CDC42EP3: variants seen among roughly 807,000 people sequenced by gnomAD.
CDC42EP3 encodes CDC42 effector protein 3.
A neutral mutation model predicts 15.5 loss-of-function variants in CDC42EP3; 4 were observed. The observed-to-expected ratio is 0.26, with a 90% confidence interval of 0.13 to 0.59. CDC42EP3 has a LOEUF of 0.59. CDC42EP3 is among the 20% of genes least tolerant of loss of function. The pLI, the probability that CDC42EP3 is intolerant of heterozygous loss-of-function variation, is 0.89. For synonymous variants in CDC42EP3, 145 were observed against 130.3 expected (o/e 1.11, Z -0.77); for missense variants, 309 against 311.2 (o/e 0.99, Z 0.05).
chr2:37,663,001 C>T (rs1666118533), intron 1 of CDC42EP3, among the ~76,000 whole-genome samples: 1 of 152,170 alleles, frequency 6.6e-6, no homozygotes, highest in Admixed American at 6.5e-5. Flanking sequence ...CCAGTCTCTA[C>T]TAAAGATACA....
chr2:37,649,843 G>A (rs141660167), intron 1 of CDC42EP3, among the ~76,000 whole-genome samples: 21 of 152,276 alleles, frequency 1.4e-4, no homozygotes, highest in African/African-American at 4.3e-4. Flanking sequence ...GCAAGAAAAG[G>A]GTTGGTGGGG....
intron 1 of CDC42EP3, among the ~76,000 whole-genome samples, chr2:37,670,009 G>C (rs1310556610): frequency 6.6e-6 from 1 of 152,184 alleles, no homozygotes; most frequent in Non-Finnish European, 1.5e-5. Context: ...ACAAATTGCA[G>C]GGGGTATGAA....
At chr2:37,672,729 C>CT (rs773858942), upstream of CDC42EP3, among the ~76,000 whole-genome samples, 6 of 152,174 alleles carry the variant, frequency 3.9e-5, no homozygotes, top group Non-Finnish European at 8.8e-5. Context: ...GGGGAGGGGG[C>CT]TGGGACCCCT....
At chr2:37,669,438 T>C (rs542464611) in intron 1 of CDC42EP3, among the ~76,000 whole-genome samples, 1 of 152,228 alleles carries the variant, frequency 6.6e-6, no homozygotes, top group Non-Finnish European at 1.5e-5. Flanking sequence ...CAATCACTGT[T>C]ACGGCTTTGT....
At chr2:37,667,437 C>T (rs942246532) in intron 1 of CDC42EP3, among the ~76,000 whole-genome samples, 2 of 152,112 alleles carry the variant, frequency 1.3e-5, no homozygotes, top group South Asian at 2.1e-4. Flanking sequence ...AATTTTGAAG[C>T]GAGCACACAG....
At chr2:37,661,189 A>G (rs2124631260) in intron 1 of CDC42EP3, among the ~76,000 whole-genome samples, 1 of 152,152 alleles carries the variant, frequency 6.6e-6, no homozygotes, top group African/African-American at 2.4e-5. Flanking sequence ...TTGATTTTCC[A>G]AAAAGAAGAG....
rs912866697 is a variant in CDC42EP3, at chr2:37,645,309, C to G, written c.*514G>C. On this transcript the variant is annotated 3_prime_UTR_variant, in exon 2 of 2. Transcript: ENST00000295324. ...ATATATAAGAACTACAAGAAAATCC[C>G]CAAAACCCATAAAGTTCAAATGTGA... 4 of 152,518 alleles carry G rather than the reference C, an allele frequency of 2.6e-5. No homozygotes were observed. The highest frequency in any genetic ancestry group is 5.9e-5 in the Non-Finnish European group (4 of 68,046). 9.4% of individuals were successfully genotyped at this position (152,518 alleles called of 1,614,324 possible).
intron 1 of CDC42EP3, among the ~76,000 whole-genome samples, chr2:37,663,663 G>A (rs1164302811): frequency 1.3e-5 from 2 of 152,250 alleles, no homozygotes; most frequent in African/African-American, 4.8e-5. Flanking sequence ...AGCCTGGGAA[G>A]GAGTAACTTT....
intron 1 of CDC42EP3, among the ~76,000 whole-genome samples, chr2:37,662,923 G>T (rs527533673): frequency 6.6e-6 from 1 of 152,332 alleles, no homozygotes; most frequent in South Asian, 2.1e-4. Flanking sequence ...CCAGCACTTT[G>T]GGAGGCCGAG....
intron 1 of CDC42EP3, among the ~76,000 whole-genome samples, chr2:37,658,528 G>T (rs756385647): frequency 3.3e-5 from 5 of 152,094 alleles, no homozygotes; most frequent in Non-Finnish European, 5.9e-5. Context: ...TCTCTACTTT[G>T]CTTCCCTTGT....
intron 1 of CDC42EP3, among the ~76,000 whole-genome samples, chr2:37,650,203 A>G (rs1360057570): frequency 6.6e-6 from 1 of 152,172 alleles, no homozygotes; most frequent in African/African-American, 2.4e-5. Flanking sequence ...TGATCCCAGG[A>G]GAGTCAATCC....
chr2:37,645,793 T>C lies in CDC42EP3; in HGVS notation c.*30A>G. ...TGTGGTTAGTTTGTTTTTGTACCTTTTACCCCAAAGGAAAAAAGTTGGCAT... is the reference window on the plus strand; with the variant it reads ...TGTGGTTAGTTTGTTTTTGTACCTTCTACCCCAAAGGAAAAAAGTTGGCAT... On this transcript the variant is annotated 3_prime_UTR_variant, in exon 2 of 2. Transcript: ENST00000295324. 1 of 1,506,512 alleles carries C rather than the reference T, an allele frequency of 6.6e-7. No individual in the cohort carries two copies. The allele number at this position is 1,506,512 out of a possible 1,614,324, so 93.3% of individuals were successfully genotyped here. A position where few individuals can be genotyped will look rare whatever the true frequency, so the allele number is the denominator to read the frequency against.
intron 1 of CDC42EP3, among the ~76,000 whole-genome samples, chr2:37,658,145 A>G (rs1279467720): frequency 6.6e-6 from 1 of 152,110 alleles, no homozygotes; most frequent in Non-Finnish European, 1.5e-5. Context: ...TACCACCTCT[A>G]GGGATAACTT....
intron 1 of CDC42EP3, among the ~76,000 whole-genome samples, chr2:37,654,329 A>G (rs1046425864): frequency 6.6e-6 from 1 of 152,200 alleles, no homozygotes; most frequent in Non-Finnish European, 1.5e-5. Context: ...CGATTAGGAC[A>G]TGTGAGAAGA....
At chr2:37,667,679 C>A (rs1343568351) in intron 1 of CDC42EP3, among the ~76,000 whole-genome samples, 1 of 152,170 alleles carries the variant, frequency 6.6e-6, no homozygotes, top group Non-Finnish European at 1.5e-5. Flanking sequence ...ACATAGTGTT[C>A]CTCAAGGCTG....
chr2:37,661,360 G>A (rs978182521), intron 1 of CDC42EP3, among the ~76,000 whole-genome samples: 1 of 152,106 alleles, frequency 6.6e-6, no homozygotes, highest in African/African-American at 2.4e-5. Context: ...CTTGTAATCT[G>A]CCAATTTTAG....
chr2:37,672,039 G>C (rs931415225), upstream of CDC42EP3: 1 of 152,206 alleles, frequency 6.6e-6, no homozygotes, highest in African/African-American at 2.4e-5. Flanking sequence ...CCGGACTCCC[G>C]CACTAAAACT....
At chr2:37,671,820 C>CGG (rs1553318878), upstream of CDC42EP3, 11,173 of 148,940 alleles carry the variant, frequency 0.075, 789 homozygotes, top group African/African-American at 0.17. Flanking sequence ...GGCGCGCGCG[C>CGG]GGGGGGGGGT....
chr2:37,661,113 G>C (rs1003300531), intron 1 of CDC42EP3, among the ~76,000 whole-genome samples: 2 of 54,242 alleles, frequency 3.7e-5, no homozygotes, highest in Admixed American at 3.5e-4. Context: ...TGTGTACAGT[G>C]TGTGTGTGTG....
Sources: gnomAD v4.1 joint callset for allele counts (sites outside exome capture counted in the v4.1 genomes callset) on GRCh38, gnomAD v4.1.1 for gene constraint, MANE v1.5 for transcripts, NCBI Gene and HGNC (gene_info 2026-07-23, HGNC 2026-07-21) for gene names.